MROH2B: variants seen among roughly 807,000 people sequenced by gnomAD.
MROH2B encodes maestro heat like repeat family member 2B.
A neutral mutation model predicts 208.6 loss-of-function variants in MROH2B; 177 were observed. The ratio of observed to expected loss-of-function variants is 0.85; its 90% confidence interval spans 0.75 to 0.96. The LOEUF (loss-of-function observed/expected upper bound fraction) is 0.96. Ranked by LOEUF, MROH2B falls within the 40% of genes least tolerant of loss-of-function variation. MROH2B has a pLI of 0.00. For missense variants in MROH2B, 2,002 were observed against 1,878.7 expected, an observed-to-expected ratio of 1.07 and a Z score of -1.21; for synonymous variants, 728 against 659.0, an observed-to-expected ratio of 1.10 and a Z score of -1.60.
intron 37 of MROH2B, among the ~76,000 whole-genome samples, chr5:41,002,807 T>C (rs1218826033): frequency 1.3e-5 from 2 of 152,134 alleles, no homozygotes; most frequent in Non-Finnish European, 2.9e-5. Context: ...GAGGCTCAGA[T>C]CTAAGAGAAT....
chr5:41,038,446 G>C (rs1423411), intron 21 of MROH2B, among the ~76,000 whole-genome samples: 79,544 of 151,978 alleles, frequency 0.52, 21,473 homozygotes, highest in Non-Finnish European at 0.59. Context: ...AAATTTTTCT[G>C]TTCCCATATG....
chr5:41,022,435 C>T (rs1044137731), intron 24 of MROH2B, among the ~76,000 whole-genome samples: 2 of 152,220 alleles, frequency 1.3e-5, no homozygotes, highest in East Asian at 1.9e-4. Flanking sequence ...CCCACACCCA[C>T]GGAGCCTTGC....
chr5:41,006,314 T>C (rs1561274919), intron 34 of MROH2B, among the ~76,000 whole-genome samples: 1 of 151,614 alleles, frequency 6.6e-6, no homozygotes, highest in Non-Finnish European at 1.5e-5. Flanking sequence ...AGAATGACCA[T>C]AATAAAATAA....
At chr5:41,005,440 C>G in intron 35 of MROH2B, 91 bp downstream of exon 35, 1 of 273,330 alleles carries the variant, frequency 3.7e-6, no homozygotes. Context: ...AGTCTCTCTT[C>G]CCTGGTTCCA....
At position 41,003,135 on chromosome 5, in the gene MROH2B, A is replaced by T. The variant is rs1170196274; in HGVS notation, c.4194+1211T>A. Among the ~76,000 whole-genome samples the T allele has an allele frequency of 2.6e-5, 4 of 151,914 alleles. No homozygotes were observed. In the East Asian group the frequency reaches 7.8e-4, roughly 29 times the overall value. On this transcript the variant is annotated intron_variant, in intron 37 of 41. Coordinates refer to ENST00000399564, the MANE Select transcript of MROH2B (RefSeq NM_173489.5). ...ACCGCCACACCCAGCTAATTTTTGTACTTTTACTACAGATGGGGTTTCACC... is the reference window on the plus strand; with the variant it reads ...ACCGCCACACCCAGCTAATTTTTGTTCTTTTACTACAGATGGGGTTTCACC...
chr5:40,998,144 G>T lies in MROH2B; in HGVS notation c.4666C>A (p.Arg1556Ser). Residue 1556 changes from arginine (R) to serine (S), a missense_variant, in exon 42 of 42, where the codon CGT becomes AGT. Transcript: ENST00000399564. ...EQLTTRLQALRQDPCISVQRA... is the reference protein window; with the variant it reads ...EQLTTRLQALSQDPCISVQRA... The stretch of plus-strand genomic sequence containing the variant: ...TGGACACTAATACACGGATCTTGAC[G>T]AAGTGCTTGGAGTCCTGAAATGGCA... 3 of 1,611,022 alleles carry T rather than the reference G, an allele frequency of 1.9e-6. No homozygotes were observed. The highest frequency in any genetic ancestry group is 2.7e-5 in the African/African-American group (2 of 74,972).
chr5:41,037,046 T>C (rs1742789190), intron 21 of MROH2B, among the ~76,000 whole-genome samples: 1 of 152,196 alleles, frequency 6.6e-6, no homozygotes, highest in Non-Finnish European at 1.5e-5. Context: ...TTTATTTATC[T>C]ACTTTTAGAG....
chr5:41,034,234 C>A (rs1401401383), intron 21 of MROH2B, among the ~76,000 whole-genome samples: 1 of 152,092 alleles, frequency 6.6e-6, no homozygotes, highest in Non-Finnish European at 1.5e-5. Context: ...AATGAAAAGT[C>A]AAAGGGCAGC....
rs201332724 is a variant in MROH2B at position 41,000,685 on chromosome 5, A to G, written c.4343T>C (p.Ile1448Thr). 1.6e-4 allele frequency: 258 copies of G among 1,610,722 alleles called. No individual in the cohort carries two copies. The highest frequency in any genetic ancestry group is 2.0e-4 in the Non-Finnish European group (234 of 1,178,514). Reference sequence around the variant, plus strand: ...TCTGTGGAGAGCACTTACAACTCCAATCTTGGGGTTGGGATCCCAAAGGTG... The same window carrying G: ...TCTGTGGAGAGCACTTACAACTCCAGTCTTGGGGTTGGGATCCCAAAGGTG... The part of the protein sequence containing the change: ...LLHLWDPNPK[I>T]GVACRDVLMV... The change falls in exon 38 of 42, where the codon ATT (isoleucine) becomes ACT (threonine). Residue 1448 changes from isoleucine to threonine, a missense_variant. Coordinates refer to ENST00000399564, the MANE Select transcript of MROH2B (RefSeq NM_173489.5).
chr5:41,065,597 A>T (rs1743783146), intron 3 of MROH2B, 107 bp from the exon 4 acceptor site: 1 of 895,172 alleles, frequency 1.1e-6, no homozygotes, highest in East Asian at 2.7e-5. Context: ...ATTTATTTTT[A>T]AAATTATAGA....
chr5:40,998,725 A>G (rs1433568656), intron 40 of MROH2B, 48 bp from the exon 41 acceptor site: 3 of 1,481,122 alleles, frequency 2.0e-6, no homozygotes, highest in Non-Finnish European at 2.8e-6. Flanking sequence ...TAGAGGAAGA[A>G]GCCATGAAAA....
rs370738850 is a variant in MROH2B, at chr5:41,057,293, G to T, written c.824C>A (p.Ser275Tyr). Reference protein sequence around the residue: ...DIGLPRSLRRSIFINLLQQIC... With the variant: ...DIGLPRSLRRYIFINLLQQIC... ...CTGCTGGAGTAAATTGATAAAGATG[G>T]ATCTTCTCAAGCTCCTTGGAAGGCC... The change falls in exon 8 of 42, where the codon TCC (serine) becomes TAC (tyrosine). Residue 275 changes from serine to tyrosine, a missense_variant. Transcript: ENST00000399564. The T allele has an allele frequency of 8.1e-6, 13 of 1,598,618 alleles. No homozygotes were observed. In the African/African-American group the frequency reaches 1.5e-4, roughly 18 times the overall value.
At chr5:41,021,795 T>C (rs953860618) in intron 24 of MROH2B, among the ~76,000 whole-genome samples, 18 of 152,044 alleles carry the variant, frequency 1.2e-4, no homozygotes, top group African/African-American at 4.1e-4. Flanking sequence ...GAGAATCACT[T>C]GAGCCCAGGA....
chr5:41,004,842 A>G lies in MROH2B; in HGVS notation c.3943T>C (p.Ser1315Pro). The G allele has an allele frequency of 6.2e-7, 1 of 1,614,006 alleles. No homozygotes were observed. The change falls in exon 36 of 42, where the codon TCC becomes CCC. Residue 1315 changes from serine to proline, a missense_variant. By Grantham distance (74) the Ser-to-Pro change is moderately conservative (BLOSUM62 -1). Coordinates refer to ENST00000399564, the MANE Select transcript of MROH2B (RefSeq NM_173489.5). ...LILMDQSAWD[S>P]NATLRQMAIR... ...GCCATCTGCCTCAGAGTGGCGTTGGAGTCCCAGGCACTTTGATCCATCAAG... is the reference window on the plus strand; with the variant it reads ...GCCATCTGCCTCAGAGTGGCGTTGGGGTCCCAGGCACTTTGATCCATCAAG...
At chr5:41,043,076 A>G (rs1743004515) in intron 18 of MROH2B, among the ~76,000 whole-genome samples, 2 of 152,238 alleles carry the variant, frequency 1.3e-5, no homozygotes, top group South Asian at 2.1e-4. Context: ...ACTTTTCCTA[A>G]TGAGTGGTCA....
At chr5:41,027,530 C>T (rs1742413420) in intron 24 of MROH2B, among the ~76,000 whole-genome samples, 1 of 152,216 alleles carries the variant, frequency 6.6e-6, no homozygotes, top group Middle Eastern at 3.4e-3. Context: ...ATTAAAAAGT[C>T]AGGAAACAAC....
intron 13 of MROH2B, among the ~76,000 whole-genome samples, chr5:41,050,399 G>C (rs1368739337): frequency 6.6e-6 from 1 of 152,154 alleles, no homozygotes; most frequent in African/African-American, 2.4e-5. Flanking sequence ...TCTATGTCCA[G>C]TTTTGCTGAT....
intron 5 of MROH2B, among the ~76,000 whole-genome samples, chr5:41,062,573 A>G (rs1394887441): frequency 6.6e-6 from 1 of 152,226 alleles, no homozygotes; most frequent in Non-Finnish European, 1.5e-5. Flanking sequence ...GAATCCATAT[A>G]TATTTGCATG....
Position 41,042,151 on chromosome 5 carries a change from CA to C in MROH2B, c.1893del (p.Phe631LeufsTer2), listed in dbSNP as rs1554050082. On this transcript the variant is annotated frameshift_variant, in exon 19 of 42. Transcript: ENST00000399564. LOFTEE classifies it high-confidence loss of function. ...TTLACCQDSD[F>X]VNSQIKEFLT... ...AGAAACTCCTTAATCTGTGAGTTTA[CA>C]AAGTCTGAATCTTGGCAGCATGCTA... 6.3e-7 allele frequency: 1 copy of C among 1,596,772 alleles called. No homozygotes were observed. Among genetic ancestry groups the C allele is most frequent in the Non-Finnish European group, 8.5e-7 (1 of 1,171,016 alleles).
Sources: allele counts gnomAD v4.1 joint callset (sites outside exome capture counted in the v4.1 genomes callset), GRCh38; gene constraint gnomAD v4.1.1; transcripts MANE v1.5; gene names NCBI Gene and HGNC (gene_info 2026-07-23, HGNC 2026-07-21).